Variants in RSBN1 observed in about 807,000 individuals in gnomAD.
The protein encoded by RSBN1 is lysine-specific demethylase 9.
Under a neutral mutation model 74.8 loss-of-function variants are expected in RSBN1, and 23 were observed. That is an observed-to-expected ratio of 0.31 (90% CI 0.22 to 0.44). The LOEUF is 0.44. RSBN1 is among the 20% of genes least tolerant of loss of function. RSBN1 has a pLI of 1.00. For synonymous variants in RSBN1, 407 were observed against 379.6 expected, an observed-to-expected ratio of 1.07 and a Z score of -0.84; for missense variants, 808 against 1,020.9, an observed-to-expected ratio of 0.79 and a Z score of 2.84.
chr1:113,767,583 A>C (rs917645226), intron 5 of RSBN1, among the ~76,000 whole-genome samples: 1 of 152,190 alleles, frequency 6.6e-6, no homozygotes, highest in African/African-American at 2.4e-5. Flanking sequence ...AAACATTACA[A>C]ATAGAACTAC....
intron 2 of RSBN1, among the ~76,000 whole-genome samples, chr1:113,780,024 A>G (rs1297249798): frequency 1.3e-5 from 2 of 152,120 alleles, no homozygotes; most frequent in African/African-American, 4.8e-5. Flanking sequence ...CGTCTCAAAA[A>G]AAAAAAAAGA....
In RSBN1 at chr1:113,764,814, T is replaced by C. The variant is rs1659749461; in HGVS notation, c.*1166A>G. On this transcript the variant is annotated 3_prime_UTR_variant, in exon 7 of 7. Transcript: ENST00000261441. ...AAGTATAATGTGAATCATGTTAACATTCTAAAATAACAGAAAGTTAGGACC... is the reference window on the plus strand; with the variant it reads ...AAGTATAATGTGAATCATGTTAACACTCTAAAATAACAGAAAGTTAGGACC... 8 of 152,364 alleles carry C rather than the reference T, an allele frequency of 5.3e-5. No homozygotes were observed. The South Asian group carries it at 1.7e-3, about 32-fold the overall frequency. The allele number at this position is 152,364 out of a possible 1,614,324, so 9.4% of individuals were successfully genotyped here.
chr1:113,783,727 T>C (rs1397237744), intron 2 of RSBN1, among the ~76,000 whole-genome samples: 2 of 152,148 alleles, frequency 1.3e-5, no homozygotes, highest in African/African-American at 4.8e-5. Flanking sequence ...TTTTGAGGGC[T>C]GCAACACAGA....
intron 2 of RSBN1, among the ~76,000 whole-genome samples, chr1:113,794,498 C>A (rs1175493478): frequency 1.3e-5 from 2 of 152,178 alleles, no homozygotes; most frequent in Non-Finnish European, 2.9e-5. Flanking sequence ...CATCCCTTAA[C>A]AGTCAGTGCA....
intron 1 of RSBN1, among the ~76,000 whole-genome samples, chr1:113,810,119 A>G (rs1660799060): frequency 6.6e-6 from 1 of 152,212 alleles, no homozygotes; most frequent in African/African-American, 2.4e-5. Flanking sequence ...TAAACAAAGG[A>G]GTGGAAAAAA....
rs569339472 is a variant in RSBN1 at position 113,764,568 on chromosome 1, T to C, written c.*1412A>G. On this transcript the variant is annotated 3_prime_UTR_variant, in exon 7 of 7. Transcript: ENST00000261441. ...AATTCATATTTGATATTTCAAAAGA[T>C]GCAGCTAAGTTTTCATGGTGACAGA... is the stretch of plus-strand genomic sequence containing the variant. 1 of 152,276 alleles carries C rather than the reference T, an allele frequency of 6.6e-6. No homozygotes were observed. Among genetic ancestry groups the C allele is most frequent in the South Asian group, 2.1e-4 (1 of 4,820 alleles). 9.4% of individuals were successfully genotyped at this position (152,276 alleles called of 1,614,324 possible). A position where few individuals can be genotyped will look rare whatever the true frequency, so the allele number is the denominator to read the frequency against.
At chr1:113,767,609 C>T (rs533209148) in intron 5 of RSBN1, among the ~76,000 whole-genome samples, 2 of 152,270 alleles carry the variant, frequency 1.3e-5, no homozygotes, top group South Asian at 4.1e-4. Context: ...AATCCAGCAA[C>T]TTCACTCCTG....
chr1:113,808,871 G>C (rs776021344), intron 1 of RSBN1, among the ~76,000 whole-genome samples: 12 of 152,116 alleles, frequency 7.9e-5, no homozygotes, highest in Non-Finnish European at 1.3e-4. Flanking sequence ...GATTGTAGTG[G>C]TGGTTACACT....
At chr1:113,797,335 T>TAAAC (rs67958557) in intron 2 of RSBN1, 28 bp downstream of exon 2, 2 of 1,434,046 alleles carry the variant, frequency 1.4e-6, no homozygotes, top group Non-Finnish European at 1.8e-6. Flanking sequence ...TCGTATTTAC[T>TAAAC]AATTTTTAAC....
In RSBN1 at chr1:113,765,992, G is replaced by A. The variant is rs773916111; in HGVS notation, c.2397C>T (p.Thr799=). 1 of 1,611,728 alleles carries A rather than the reference G, an allele frequency of 6.2e-7. No homozygotes were observed. The highest frequency in any genetic ancestry group is 1.7e-5 in the Admixed American group (1 of 59,950). The stretch of plus-strand genomic sequence containing the variant: ...GAATATGTACATATCACACAGAAGT[G>A]GTTGAATGTTCTTGCAGATTGTGTT... ...DQQHNLQEHS[T]TSV The change falls in exon 7 of 7, where the codon ACC becomes ACT. Residue 799 remains threonine (T), a synonymous_variant. Transcript: ENST00000261441.
chr1:113,776,879 A>C (rs1406456975), intron 4 of RSBN1, among the ~76,000 whole-genome samples: 1 of 151,984 alleles, frequency 6.6e-6, no homozygotes, highest in East Asian at 1.9e-4. Context: ...TGGAAAGTGA[A>C]TTCGGTATGG....
intron 1 of RSBN1, among the ~76,000 whole-genome samples, chr1:113,799,205 C>T (rs1660531205): frequency 6.6e-6 from 1 of 152,172 alleles, no homozygotes; most frequent in Non-Finnish European, 1.5e-5. Context: ...ACACAATCCC[C>T]AATCTCTTGG....
At position 113,765,689 on chromosome 1, in the gene RSBN1, C is replaced by A; in HGVS notation, c.*291G>T. On this transcript the variant is annotated 3_prime_UTR_variant, in exon 7 of 7. Transcript: ENST00000261441. ...TTTACCAAACAAGAATCTGTTATTCCAGAGAATTCTCATTTTGATTTGAAG... is the reference window on the plus strand; with the variant it reads ...TTTACCAAACAAGAATCTGTTATTCAAGAGAATTCTCATTTTGATTTGAAG... The A allele has an allele frequency of 7.2e-6, 2 of 278,626 alleles. No individual in the cohort carries two copies. Among genetic ancestry groups the A allele is most frequent in the Non-Finnish European group, 1.4e-5 (2 of 147,082 alleles). 17.3% of individuals were successfully genotyped at this position (278,626 alleles called of 1,614,324 possible).
In RSBN1 at chr1:113,777,318, C is replaced by T. The variant is rs578037531; in HGVS notation, c.1550G>A (p.Arg517Gln). ...ATCACTCTGGGACCTACACTGGAGT[C>T]GGAGGCTAGAAAGTGTACCCCAGGG... ...TLPWGTLSSL[R>Q]LQCRSQSDDG... Residue 517 changes from arginine to glutamine, a missense_variant, in exon 4 of 7, where the codon CGA (arginine) becomes CAA (glutamine). By Grantham distance (43) the Arg-to-Gln change is conservative. Coordinates refer to ENST00000261441, the MANE Select transcript of RSBN1 (RefSeq NM_018364.5). The T allele has an allele frequency of 1.2e-6, 2 of 1,611,710 alleles. No homozygotes were observed. The highest frequency in any genetic ancestry group is 1.1e-5 in the South Asian group (1 of 90,630).
At chr1:113,800,922 T>C (rs1312964586) in intron 1 of RSBN1, among the ~76,000 whole-genome samples, 1 of 151,108 alleles carries the variant, frequency 6.6e-6, no homozygotes, top group Non-Finnish European at 1.5e-5. Flanking sequence ...TAAATCAACA[T>C]GATAAAAATT....
In RSBN1 at chr1:113,762,692, T is replaced by G. The variant is rs1659701168; in HGVS notation, c.*3288A>C. ...CTAAGCGTTTTCATGGATTTGGGAGTCTTGTTCCTATATTAGCTTTCATTC... is the reference window on the plus strand; with the variant it reads ...CTAAGCGTTTTCATGGATTTGGGAGGCTTGTTCCTATATTAGCTTTCATTC... On this transcript the variant is annotated 3_prime_UTR_variant, in exon 7 of 7. Transcript: ENST00000261441. The G allele has an allele frequency of 6.5e-6, 1 of 152,726 alleles. No homozygotes were observed. Among genetic ancestry groups the G allele is most frequent in the Non-Finnish European group, 1.5e-5 (1 of 68,004 alleles). The allele number at this position is 152,726 out of a possible 1,614,324, so 9.5% of individuals were successfully genotyped here.
chr1:113,777,586 G>A (rs879174693), intron 3 of RSBN1, 85 bp downstream of exon 3: 2 of 1,267,778 alleles, frequency 1.6e-6, no homozygotes, highest in Non-Finnish European at 2.2e-6. Flanking sequence ...AATTTCAATA[G>A]GCAATATTAG....
chr1:113,765,007 GTGAAT>G lies in RSBN1; in HGVS notation c.*968_*972del, dbSNP rs1659752879. On this transcript the variant is annotated 3_prime_UTR_variant, in exon 7 of 7. Coordinates refer to ENST00000261441, the MANE Select transcript of RSBN1 (RefSeq NM_018364.5). ...ACCCAGGTATTCACCAGTTAAAACT[GTGAAT>G]TGAAGTGTCTCAGTAGTAGATATTT... The G allele has an allele frequency of 6.6e-6, 1 of 152,286 alleles. No homozygotes were observed. Among genetic ancestry groups the G allele is most frequent in the Non-Finnish European group, 1.5e-5 (1 of 68,014 alleles). The allele number at this position is 152,286 out of a possible 1,614,324, so 9.4% of individuals were successfully genotyped here.
At chr1:113,808,931 G>T (rs1426854547) in intron 1 of RSBN1, among the ~76,000 whole-genome samples, 1 of 152,004 alleles carries the variant, frequency 6.6e-6, no homozygotes, top group Non-Finnish European at 1.5e-5. Context: ...TTGTACCAAT[G>T]TCAATTTCCT....
Sources: gnomAD v4.1 joint callset for allele counts (sites outside exome capture counted in the v4.1 genomes callset) on GRCh38, gnomAD v4.1.1 for gene constraint, MANE v1.5 for transcripts, NCBI Gene and HGNC (gene_info 2026-07-23, HGNC 2026-07-21) for gene names.